UBA2: variants seen among roughly 807,000 people sequenced by gnomAD.
UBA2 encodes ubiquitin like modifier activating enzyme 2, also known as SUMO-activating enzyme subunit 2.
UBA2 carries 11 observed loss-of-function variants against 77.2 expected under a neutral mutation model. That is an observed-to-expected ratio of 0.14 (90% CI 0.09 to 0.24). UBA2 has a LOEUF of 0.24. UBA2 is among the 10% of genes least tolerant of loss of function. The probability of loss-of-function intolerance (pLI) is 1.00; values close to 1 mark genes in which losing one functional copy is unlikely to be tolerated. For missense variants in UBA2, 487 were observed against 781.7 expected, an observed-to-expected ratio of 0.62 and a Z score of 4.50; for synonymous variants, 278 against 276.7, an observed-to-expected ratio of 1.00 and a Z score of -0.05.
chr19:34,428,956 T>G, intron 1 of UBA2: 1 of 986,834 alleles, frequency 1.0e-6, no homozygotes. Context: ...TTGAGGTCCC[T>G]GTCGTAACTC....
At chr19:34,466,105 G>A (rs898375228) in intron 15 of UBA2, among the ~76,000 whole-genome samples, 2 of 152,118 alleles carry the variant, frequency 1.3e-5, no homozygotes, top group African/African-American at 4.8e-5. Context: ...GGAGGCTGAG[G>A]CGGGCGGATC....
intron 2 of UBA2, 28 bp downstream of exon 2, chr19:34,430,687 T>C (rs2075243240): frequency 1.3e-6 from 2 of 1,555,580 alleles, no homozygotes; most frequent in African/African-American, 1.4e-5. Flanking sequence ...ACCATTTCTA[T>C]AACTTGATGG....
At chr19:34,447,244 A>C (rs2075442061) in intron 8 of UBA2, among the ~76,000 whole-genome samples, 1 of 152,102 alleles carries the variant, frequency 6.6e-6, no homozygotes, top group Non-Finnish European at 1.5e-5. Flanking sequence ...TTCTGGCCTC[A>C]ATGGCAGCTG....
At chr19:34,451,938 T>C (rs368418143) in intron 9 of UBA2, 43 bp from the exon 10 acceptor site, 77 of 1,163,484 alleles carry the variant, frequency 6.6e-5, no homozygotes, top group Non-Finnish European at 7.3e-5. Flanking sequence ...AGAGGAATGA[T>C]GTTAATTAGT....
At chr19:34,433,769 A>G (rs1308958690) in intron 4 of UBA2, among the ~76,000 whole-genome samples, 1 of 152,108 alleles carries the variant, frequency 6.6e-6, no homozygotes, top group Non-Finnish European at 1.5e-5. Context: ...AGACCAACCT[A>G]GTCAACATGG....
At chr19:34,453,063 G>C (rs777136817) in intron 10 of UBA2, among the ~76,000 whole-genome samples, 2 of 152,210 alleles carry the variant, frequency 1.3e-5, no homozygotes, top group Non-Finnish European at 2.9e-5. Flanking sequence ...AAGTCCACAT[G>C]TAATGGGTGT....
chr19:34,448,666 A>G (rs995115588), intron 8 of UBA2, among the ~76,000 whole-genome samples: 1 of 152,172 alleles, frequency 6.6e-6, no homozygotes, highest in Non-Finnish European at 1.5e-5. Context: ...GAAGGTGATA[A>G]TAATCAATTT....
intron 12 of UBA2, among the ~76,000 whole-genome samples, chr19:34,458,418 G>T (rs1461082102): frequency 6.6e-6 from 1 of 151,644 alleles, no homozygotes; most frequent in Non-Finnish European, 1.5e-5. Flanking sequence ...AAATTAGCCG[G>T]GCGAGGTGGC....
intron 8 of UBA2, 109 bp downstream of exon 8, chr19:34,445,230 A>G: frequency 1.8e-6 from 2 of 1,140,040 alleles, no homozygotes; most frequent in Non-Finnish European, 2.5e-6. Context: ...TTAAGCTTCT[A>G]TGTATATGCC....
chr19:34,450,398 G>C, intron 9 of UBA2, 34 bp downstream of exon 9: 2 of 1,455,052 alleles, frequency 1.4e-6, no homozygotes, highest in Non-Finnish European at 1.9e-6. Context: ...GAACACCTAA[G>C]CTGGAAATAT....
rs35033516 is a variant in UBA2, at chr19:34,470,092, TAA to T, written c.*887_*888del. On this transcript the variant is annotated 3_prime_UTR_variant, in exon 17 of 17. Coordinates refer to ENST00000246548, the MANE Select transcript of UBA2 (RefSeq NM_005499.3). ...CAACATGGTGAAACCCCATCTCTACTAAAAAAAAAAAAAAAAATTAGCCGGGC... is the reference window on the plus strand; with the variant it reads ...CAACATGGTGAAACCCCATCTCTACTAAAAAAAAAAAAAAATTAGCCGGGC... The T allele has an allele frequency of 5.7e-5, 8 of 141,244 alleles. No homozygotes were observed. Among genetic ancestry groups the T allele is most frequent in the Non-Finnish European group, 6.2e-5 (4 of 64,984 alleles). 8.7% of individuals were successfully genotyped at this position (141,244 alleles called of 1,614,324 possible).
chr19:34,435,095 T>C, intron 5 of UBA2, 127 bp downstream of exon 5: 1 of 681,982 alleles, frequency 1.5e-6, no homozygotes, highest in Admixed American at 3.1e-5. Flanking sequence ...CTTTTATGCT[T>C]ATATAAAACT....
intron 13 of UBA2, among the ~76,000 whole-genome samples, chr19:34,459,703 T>G (rs1287572790): frequency 1.3e-5 from 2 of 152,204 alleles, no homozygotes; most frequent in Non-Finnish European, 2.9e-5. Context: ...CTTCCTATTG[T>G]TCTCTGGTTG....
chr19:34,452,111 A>G lies in UBA2; in HGVS notation c.1002A>G (p.Ala334=). The change falls in exon 10 of 17, where the codon GCA becomes GCG. Residue 334 remains alanine, a synonymous_variant. Coordinates refer to ENST00000246548, the MANE Select transcript of UBA2 (RefSeq NM_005499.3). The part of the protein sequence containing the change: ...KSIETLRVHL[A]EKGDGAELIW... ...TCGAGACTTTGAGAGTTCATTTAGCAGAAAAGGGGGATGGAGCTGAGCTCA... is the reference window on the plus strand; with the variant it reads ...TCGAGACTTTGAGAGTTCATTTAGCGGAAAAGGGGGATGGAGCTGAGCTCA... The G allele has an allele frequency of 1.2e-6, 2 of 1,609,344 alleles. No individual in the cohort carries two copies. Among genetic ancestry groups the G allele is most frequent in the Non-Finnish European group, 1.7e-6 (2 of 1,176,656 alleles).
chr19:34,440,560 C>T (rs1159872987), intron 6 of UBA2, among the ~76,000 whole-genome samples: 1 of 152,080 alleles, frequency 6.6e-6, no homozygotes, highest in Non-Finnish European at 1.5e-5. Context: ...CTGTCAAGGC[C>T]ATTATGGCAT....
rs978408212 is a variant in UBA2, at chr19:34,467,005, A to T, written c.1732A>T (p.Thr578Ser). 1 of 1,613,834 alleles carries T rather than the reference A, an allele frequency of 6.2e-7. No individual in the cohort carries two copies. The highest frequency in any genetic ancestry group is 8.5e-7 in the Non-Finnish European group (1 of 1,179,874). The part of the protein sequence containing the change: ...NGSDDGAQPS[T>S]STAQEQDDVL... ...CAGTGATGATGGAGCTCAGCCCTCCACCTCCACAGGTGAGTATGGCCCCAG... is the reference window on the plus strand; with the variant it reads ...CAGTGATGATGGAGCTCAGCCCTCCTCCTCCACAGGTGAGTATGGCCCCAG... The change falls in exon 16 of 17, where the codon ACC (threonine) becomes TCC (serine). Residue 578 changes from threonine (T) to serine (S), a missense_variant. By Grantham distance (58) the Thr-to-Ser change is moderately conservative. This residue lies in a region of UBA2 where 300 missense variants were observed against 454.3 expected (regional missense o/e 0.66). Transcript: ENST00000246548.
At chr19:34,463,675 C>T (rs1262528868) in intron 14 of UBA2, among the ~76,000 whole-genome samples, 1 of 152,062 alleles carries the variant, frequency 6.6e-6, no homozygotes, top group East Asian at 1.9e-4. Flanking sequence ...TACAGTCACA[C>T]GCCTCACTGT....
At chr19:34,453,661 C>T (rs1446691548) in intron 10 of UBA2, among the ~76,000 whole-genome samples, 4 of 151,522 alleles carry the variant, frequency 2.6e-5, no homozygotes, top group African/African-American at 7.3e-5. Flanking sequence ...GTACCTGGGA[C>T]GACTTTAGGT....
chr19:34,466,936 G>T lies in UBA2; in HGVS notation c.1663G>T (p.Gly555Trp). 2 of 1,613,854 alleles carry T rather than the reference G, an allele frequency of 1.2e-6. No individual in the cohort carries two copies. Among genetic ancestry groups the T allele is most frequent in the African/African-American group, 1.3e-5 (1 of 74,962 alleles). Residue 555 changes from glycine (G) to tryptophan (W), a missense_variant, in exon 16 of 17, where the codon GGG becomes TGG. This residue lies in a region of UBA2 where 300 missense variants were observed against 454.3 expected (regional missense o/e 0.66). Transcript: ENST00000246548. ...EVVGDAPEKVGPKQAEDAAKS... is the reference protein window; with the variant it reads ...EVVGDAPEKVWPKQAEDAAKS... ...TGTTGGTGATGCCCCGGAAAAAGTG[G>T]GGCCCAAACAAGCTGAAGATGCTGC... is the stretch of plus-strand genomic sequence containing the variant.
Sources: gnomAD v4.1 joint callset for allele counts (sites outside exome capture counted in the v4.1 genomes callset) on GRCh38, gnomAD v4.1.1 for gene constraint, gnomAD v4.1.1 regional missense constraint, MANE v1.5 for transcripts, NCBI Gene and HGNC (gene_info 2026-07-23, HGNC 2026-07-21) for gene names.